ILDR1: variants seen among roughly 807,000 people sequenced by gnomAD.
ILDR1 encodes immunoglobulin-like domain-containing receptor 1.
In ILDR1, 56 loss-of-function variants were observed where a neutral mutation model predicts 62.4. The ratio of observed to expected loss-of-function variants is 0.90; its 90% CI spans 0.72 to 1.12. The LOEUF (loss-of-function observed/expected upper bound fraction) is 1.12. Ranked by LOEUF, ILDR1 falls within the 50% of genes most tolerant of loss-of-function variation. ILDR1 has a pLI of 0.00. For synonymous variants in ILDR1, 284 were observed against 277.8 expected (o/e 1.02, Z -0.22); for missense variants, 736 against 710.6 (o/e 1.04, Z -0.41).
At chr3:122,040,885 G>A in the ILDR1 span, among the ~76,000 whole-genome samples, 3 of 152,160 alleles carry the variant, frequency 2.0e-5, no homozygotes, top group South Asian at 6.2e-4. Context: ...AAGTCACAAT[G>A]CATGAAAGAA....
the ILDR1 span, among the ~76,000 whole-genome samples, chr3:122,047,624 T>G: frequency 0.049 from 7,450 of 152,224 alleles, 234 homozygotes; most frequent in East Asian, 0.11. Context: ...TGGTTCGCCG[T>G]TTTTTAAGCC....
chr3:122,015,384 T>C (rs1183882342), intron 1 of ILDR1, among the ~76,000 whole-genome samples: 2 of 152,210 alleles, frequency 1.3e-5, no homozygotes, highest in Non-Finnish European at 1.5e-5. Context: ...TTTCCTTTGC[T>C]CTTCATATAC....
At chr3:122,021,415 G>A (rs2071853105) in intron 1 of ILDR1, among the ~76,000 whole-genome samples, 1 of 152,226 alleles carries the variant, frequency 6.6e-6, no homozygotes, top group Non-Finnish European at 1.5e-5. Flanking sequence ...TGGAGGGTAA[G>A]AGAATGAAGC....
At chr3:122,031,709 T>G in the ILDR1 span, among the ~76,000 whole-genome samples, 1 of 152,172 alleles carries the variant, frequency 6.6e-6, no homozygotes, top group Non-Finnish European at 1.5e-5. Context: ...CCAGGAAGTC[T>G]GTCCTCACCA....
At chr3:121,995,759 C>A (rs964430598) in intron 5 of ILDR1, among the ~76,000 whole-genome samples, 1 of 152,156 alleles carries the variant, frequency 6.6e-6, no homozygotes, top group Non-Finnish European at 1.5e-5. Context: ...TACTGGAATG[C>A]CCAGCCTTAT....
intron 1 of ILDR1, among the ~76,000 whole-genome samples, chr3:122,012,318 T>C (rs2071716899): frequency 6.6e-6 from 1 of 152,242 alleles, no homozygotes; most frequent in Admixed American, 6.5e-5. Flanking sequence ...TTTCAAATTC[T>C]TAATTTTTTT....
the ILDR1 span, among the ~76,000 whole-genome samples, chr3:122,042,632 C>G: frequency 6.6e-6 from 1 of 151,864 alleles, no homozygotes; most frequent in East Asian, 1.9e-4. Context: ...GATGGTATCT[C>G]ATTGTGGTTT....
At chr3:122,023,055 G>A (rs1314804995), upstream of ILDR1, among the ~76,000 whole-genome samples, 1 of 150,612 alleles carries the variant, frequency 6.6e-6, no homozygotes, top group Non-Finnish European at 1.5e-5. Context: ...AGTTATGGGA[G>A]TTTAAAAAAA....
chr3:122,044,838 A>G, the ILDR1 span, among the ~76,000 whole-genome samples: 1 of 151,900 alleles, frequency 6.6e-6, no homozygotes, highest in Non-Finnish European at 1.5e-5. Context: ...CTAGTGGTCT[A>G]TCAATTTTGT....
At chr3:122,013,817 G>A (rs374449753) in intron 1 of ILDR1, among the ~76,000 whole-genome samples, 1 of 152,184 alleles carries the variant, frequency 6.6e-6, no homozygotes, top group African/African-American at 2.4e-5. Flanking sequence ...GGTCTGGCAT[G>A]CAACACTTAA....
At chr3:122,051,247 T>C in the ILDR1 span, among the ~76,000 whole-genome samples, 3 of 152,232 alleles carry the variant, frequency 2.0e-5, no homozygotes, top group African/African-American at 7.2e-5. Context: ...TGGACTGCTC[T>C]AATAGATATA....
chr3:122,052,867 C>A, the ILDR1 span, among the ~76,000 whole-genome samples: 1 of 152,188 alleles, frequency 6.6e-6, no homozygotes, highest in Admixed American at 6.5e-5. Context: ...CCGCGCCCGG[C>A]CAAAAAGTCA....
chr3:122,031,095 CT>C, the ILDR1 span, among the ~76,000 whole-genome samples: 1 of 152,190 alleles, frequency 6.6e-6, no homozygotes, highest in Non-Finnish European at 1.5e-5. Context: ...AACATTTCCC[CT>C]TTCTTCCTTC....
chr3:122,037,594 A>G, the ILDR1 span, among the ~76,000 whole-genome samples: 4 of 152,166 alleles, frequency 2.6e-5, no homozygotes, highest in African/African-American at 9.7e-5. Flanking sequence ...TTTTGATTTT[A>G]CAGGCTCGTA....
At chr3:122,043,133 T>C in the ILDR1 span, among the ~76,000 whole-genome samples, 1,514 of 131,414 alleles carry the variant, frequency 0.012, 35 homozygotes, top group African/African-American at 0.042. Flanking sequence ...TTTCTACATA[T>C]GGCTAGCCAG....
At chr3:122,053,677 G>C in the ILDR1 span, among the ~76,000 whole-genome samples, 1 of 152,096 alleles carries the variant, frequency 6.6e-6, no homozygotes, top group Non-Finnish European at 1.5e-5. Context: ...ATTACAGCCA[G>C]CTTTCACAGT....
In ILDR1 at chr3:122,007,160, C is replaced by T. The variant is rs1249556027; in HGVS notation, c.60G>A (p.Gly20=). ...WLLLCTWLPA[G]CLSLLVTVQH... ...GGACCGTCACAAGCAAGGACAGGCA[C>T]CCTAAAGCCAAGAGCAGGAGAAAAT... Residue 20 remains glycine (G), a splice_region_variant and synonymous_variant, in exon 2 of 8, where the codon GGG becomes GGA. Transcript: ENST00000344209. The T allele has an allele frequency of 1.9e-6, 3 of 1,613,994 alleles. No homozygotes were observed. The highest frequency in any genetic ancestry group is 1.7e-5 in the Admixed American group (1 of 59,996).
chr3:122,000,779 G>A (rs189061738), intron 5 of ILDR1, among the ~76,000 whole-genome samples: 336 of 152,282 alleles, frequency 2.2e-3, no homozygotes, highest in Non-Finnish European at 2.6e-3. Context: ...CTATTTCCAG[G>A]TAAATAGCAT....
At chr3:122,036,602 A>AG in the ILDR1 span, among the ~76,000 whole-genome samples, 2 of 151,628 alleles carry the variant, frequency 1.3e-5, no homozygotes, top group Admixed American at 1.3e-4. Context: ...AAAAAAAAAA[A>AG]GGGAGGAAAC....
Sources: gnomAD v4.1 joint callset for allele counts (sites outside exome capture counted in the v4.1 genomes callset) on GRCh38, gnomAD v4.1.1 for gene constraint, MANE v1.5 for transcripts, NCBI Gene and HGNC (gene_info 2026-07-23, HGNC 2026-07-21) for gene names.